The following REXO5 variants were observed in gnomAD, a reference collection of about 807,000 sequenced individuals.
REXO5 encodes exonuclease NEF-sp.
Under a neutral mutation model 88.5 loss-of-function variants are expected in REXO5, and 48 were observed. The ratio of observed to expected loss-of-function variants is 0.54; its 90% CI spans 0.43 to 0.69. The LOEUF is 0.69. REXO5 is among the 30% of genes least tolerant of loss of function. The probability of loss-of-function intolerance (pLI) is 0.00; values close to 1 mark genes in which losing one functional copy is unlikely to be tolerated. For synonymous variants in REXO5, 311 were observed against 336.5 expected (o/e 0.92, Z 0.83); for missense variants, 749 against 912.2 (o/e 0.82, Z 2.30).
Position 20,833,623 on chromosome 16 carries a change from T to G in REXO5, c.1383+500T>G, listed in dbSNP as rs189078078. 2.5e-3 allele frequency among the ~76,000 whole-genome samples: 374 copies of G among 152,276 alleles called. 2 individuals are homozygous for G. The highest frequency in any genetic ancestry group is 3.2e-3 in the Non-Finnish European group (217 of 68,016). On this transcript the variant is annotated intron_variant, in intron 13 of 19. Coordinates refer to ENST00000261377, the MANE Select transcript of REXO5 (RefSeq NM_030941.3). ...AACACCTGTATACTTTCTGTCTAGA[T>G]TCACCTTTTTTAGCACTCTGCCCCA... is the stretch of plus-strand genomic sequence containing the variant.
chr16:20,833,138 G>T lies in REXO5; in HGVS notation c.1383+15G>T. 1 of 1,611,232 alleles carries T rather than the reference G, an allele frequency of 6.2e-7. No individual in the cohort carries two copies. The highest frequency in any genetic ancestry group is 8.5e-7 in the Non-Finnish European group (1 of 1,178,086). On this transcript the variant is annotated intron_variant, in intron 13 of 19. Transcript: ENST00000261377. ...CAAATAAAGAGGTGAGTGGCCTGCT[G>T]AACCTTTGCAGGTTATATTCAAAGC...
chr16:20,813,325 G>A lies in REXO5; in HGVS notation c.251+23G>A, dbSNP rs375340262. ...CAGGTATGAGATGAATTTAAATGGT[G>A]GGTATTGACCAGCGGTTTCTTTTTT... On this transcript the variant is annotated intron_variant, in intron 3 of 19. Coordinates refer to ENST00000261377, the MANE Select transcript of REXO5 (RefSeq NM_030941.3). 165 of 1,379,538 alleles carry A rather than the reference G, an allele frequency of 1.2e-4. No homozygotes were observed. In the African/African-American group the frequency reaches 2.2e-3, roughly 19 times the overall value. The allele number at this position is 1,379,538 out of a possible 1,614,324, so 85.5% of individuals were successfully genotyped here.
chr16:20,820,536 ATATATATATTTTTTTTTTTTTTTTTT>A (rs1321301670), intron 5 of REXO5, among the ~76,000 whole-genome samples: 3 of 12,652 alleles, frequency 2.4e-4, no homozygotes, highest in South Asian at 4.6e-3. Context: ...ATATATATAT[ATATATATATTTTTTTTTTTTTTTTTT>A]TTTTTTTTTT....
chr16:20,833,215 C>T (rs2081373713), intron 13 of REXO5, 92 bp downstream of exon 13: 2 of 1,349,192 alleles, frequency 1.5e-6, no homozygotes, highest in Admixed American at 2.4e-5. Flanking sequence ...TTTTTTTCAT[C>T]AGCAACCCTG....
Position 20,806,858 on chromosome 16 carries a change from C to A in REXO5, c.-2-94C>A, listed in dbSNP as rs2080887235. 9 of 1,472,358 alleles carry A rather than the reference C, an allele frequency of 6.1e-6. No individual in the cohort carries two copies. In the East Asian group the frequency reaches 2.2e-4, roughly 36 times the overall value. 91.2% of individuals were successfully genotyped at this position (1,472,358 alleles called of 1,614,324 possible). On this transcript the variant is annotated intron_variant, in intron 1 of 19. Coordinates refer to ENST00000261377, the MANE Select transcript of REXO5 (RefSeq NM_030941.3). ...AAGCGGATCCGAGGGAGGTTGAAAG[C>A]TGTCAAGCCCGTGTAGCTCTCCCGC...
intron 2 of REXO5, among the ~76,000 whole-genome samples, chr16:20,807,548 A>ACTC (rs1460630538): frequency 1.5e-5 from 2 of 137,348 alleles, no homozygotes; most frequent in African/African-American, 5.5e-5. Context: ...ACGCCATTAC[A>ACTC]CTCCACCCTG....
At chr16:20,810,809 A>T (rs2080986433) in intron 2 of REXO5, among the ~76,000 whole-genome samples, 1 of 151,712 alleles carries the variant, frequency 6.6e-6, no homozygotes, top group East Asian at 1.9e-4. Context: ...CACCCTCTTG[A>T]CTCTGCTTAG....
At chr16:20,815,702 G>A (rs956428256) in intron 4 of REXO5, among the ~76,000 whole-genome samples, 13 of 152,228 alleles carry the variant, frequency 8.5e-5, no homozygotes, top group South Asian at 2.1e-4. Context: ...TAACTTGCCC[G>A]AGTTCCAGCT....
Position 20,847,406 on chromosome 16 carries a change from A to T in REXO5, c.2243+1067A>T, listed in dbSNP as rs185212326. Among the ~76,000 whole-genome samples the T allele has an allele frequency of 4.5e-3, 682 of 150,924 alleles. 7 individuals are homozygous for T. The highest frequency in any genetic ancestry group is 0.016 in the African/African-American group (654 of 41,098). ...AGCTGAGATTGCACCACTGCACTCCAGCCTGGGCTACAGAGTAAGACTCTT... is the reference window on the plus strand; with the variant it reads ...AGCTGAGATTGCACCACTGCACTCCTGCCTGGGCTACAGAGTAAGACTCTT... On this transcript the variant is annotated intron_variant, in intron 19 of 19. Coordinates refer to ENST00000261377, the MANE Select transcript of REXO5 (RefSeq NM_030941.3).
Position 20,833,130 on chromosome 16 carries a change from G to C in REXO5, c.1383+7G>C. On this transcript the variant is annotated splice_region_variant and intron_variant, in intron 13 of 19. Transcript: ENST00000261377. ...GTGTCTTTCAAATAAAGAGGTGAGTGGCCTGCTGAACCTTTGCAGGTTATA... is the reference window on the plus strand; with the variant it reads ...GTGTCTTTCAAATAAAGAGGTGAGTCGCCTGCTGAACCTTTGCAGGTTATA... The C allele has an allele frequency of 1.9e-6, 3 of 1,612,214 alleles. No individual in the cohort carries two copies. The highest frequency in any genetic ancestry group is 2.5e-6 in the Non-Finnish European group (3 of 1,178,712).
At chr16:20,824,577 A>T (rs1289266857) in intron 7 of REXO5, 50 bp downstream of exon 7, 5 of 1,129,546 alleles carry the variant, frequency 4.4e-6, no homozygotes, top group Non-Finnish European at 6.7e-6. Flanking sequence ...GCTGAGGTCT[A>T]GTAGAAAATG....
Position 20,821,842 on chromosome 16 carries a change from G to A in REXO5, c.556G>A (p.Gly186Ser), listed in dbSNP as rs913687387. 1 of 1,606,844 alleles carries A rather than the reference G, an allele frequency of 6.2e-7. No homozygotes were observed. The highest frequency in any genetic ancestry group is 8.5e-7 in the Non-Finnish European group (1 of 1,177,714). Residue 186 changes from glycine (G) to serine (S), a missense_variant, in exon 6 of 20, where the codon GGC becomes AGC. Transcript: ENST00000261377. ...TCAAAAGTATGGCTCTAAGAAAGTG[G>A]GCTTGACCAGATGCCTTCTGACAAA... ...IIQKYGSKKV[G>S]LTRCLLTKEE...
intron 5 of REXO5, among the ~76,000 whole-genome samples, chr16:20,818,969 A>T (rs531312942): frequency 6.6e-6 from 1 of 152,282 alleles, no homozygotes; most frequent in African/African-American, 2.4e-5. Flanking sequence ...GTGTGTTGTC[A>T]TGTGTCCATG....
rs371885013 is a variant in REXO5 at position 20,822,798 on chromosome 16, G to A, written c.616+896G>A. On this transcript the variant is annotated intron_variant, in intron 6 of 19. Transcript: ENST00000261377. ...GCATTGGATAGACTGTTCATCAGGT[G>A]ATGGACATTTGGGTTGTTTCCACTT... 2.0e-5 allele frequency among the ~76,000 whole-genome samples: 3 copies of A among 152,224 alleles called. No individual in the cohort carries two copies. In the East Asian group the frequency reaches 5.8e-4, roughly 29 times the overall value.
chr16:20,844,761 G>T lies in REXO5; in HGVS notation c.1852G>T (p.Glu618Ter). ...SETFKEQLLQ[E>*]PRLFLGLEAV... The stretch of plus-strand genomic sequence containing the variant: ...AACCTTCAAAGAACAGCTATTGCAG[G>T]AGCCCCGCCTCTTTCTTGGCCTGGA... The change falls in exon 17 of 20, where the codon GAG becomes TAG. Residue 618 changes from glutamate (E) to a stop codon, truncating the protein, a stop_gained. Transcript: ENST00000261377. LOFTEE classifies it high-confidence loss of function. 6.2e-7 allele frequency: 1 copy of T among 1,614,184 alleles called. No homozygotes were observed. Among genetic ancestry groups the T allele is most frequent in the East Asian group, 2.2e-5 (1 of 44,884 alleles).
intron 19 of REXO5, among the ~76,000 whole-genome samples, 190 bp from the exon 20 acceptor site, chr16:20,849,209 C>T (rs541641616): frequency 2.0e-5 from 3 of 152,364 alleles, no homozygotes; most frequent in East Asian, 3.9e-4. Context: ...GGATTTGAAT[C>T]TAGACCTCTG....
chr16:20,818,588 A>G (rs2081117058), intron 5 of REXO5, among the ~76,000 whole-genome samples: 1 of 152,180 alleles, frequency 6.6e-6, no homozygotes, highest in Non-Finnish European at 1.5e-5. Flanking sequence ...TGTGCCTCTC[A>G]GCCTCCTGAG....
At chr16:20,817,472 G>A (rs1398331422) in intron 5 of REXO5, among the ~76,000 whole-genome samples, 1 of 152,212 alleles carries the variant, frequency 6.6e-6, no homozygotes, top group Non-Finnish European at 1.5e-5. Flanking sequence ...AATAGGAGGA[G>A]GTGGTGATGA....
At chr16:20,844,917 GGA>G in intron 17 of REXO5, 72 bp downstream of exon 17, 1 of 1,551,866 alleles carries the variant, frequency 6.4e-7, no homozygotes, top group South Asian at 1.1e-5. Flanking sequence ...GTCAGAGAAA[GGA>G]AGATTCACCT....
Sources: allele counts gnomAD v4.1 joint callset (sites outside exome capture counted in the v4.1 genomes callset), GRCh38; gene constraint gnomAD v4.1.1; transcripts MANE v1.5; gene names NCBI Gene and HGNC (gene_info 2026-07-23, HGNC 2026-07-21).